Variants in GRAMD4 observed in about 807,000 individuals in gnomAD.
The protein encoded by GRAMD4 is GRAM domain-containing protein 4.
Under a neutral mutation model 83.9 loss-of-function variants are expected in GRAMD4, and 25 were observed. That is an observed-to-expected ratio of 0.30 (90% CI 0.22 to 0.42). GRAMD4 has a LOEUF of 0.42. GRAMD4 is among the 10% of genes least tolerant of loss of function. GRAMD4 has a pLI of 1.00. For synonymous variants in GRAMD4, 336 were observed against 320.9 expected, an observed-to-expected ratio of 1.05 and a Z score of -0.50; for missense variants, 593 against 788.7, an observed-to-expected ratio of 0.75 and a Z score of 2.97.
chr22:46,652,425 A>G (rs2082179817), intron 3 of GRAMD4, among the ~76,000 whole-genome samples: 1 of 152,232 alleles, frequency 6.6e-6, no homozygotes, highest in African/African-American at 2.4e-5. Flanking sequence ...AGGGAGACCC[A>G]GGCTGGACTT....
At chr22:46,589,834 C>T (rs2081188950) in intron 1 of GRAMD4, among the ~76,000 whole-genome samples, 1 of 152,172 alleles carries the variant, frequency 6.6e-6, no homozygotes, top group Non-Finnish European at 1.5e-5. Flanking sequence ...ACCTCAGCCC[C>T]TGCCCTGCTC....
At chr22:46,602,032 ACGTGCTGG>A (rs1194553570) in intron 1 of GRAMD4, among the ~76,000 whole-genome samples, 7 of 152,064 alleles carry the variant, frequency 4.6e-5, no homozygotes. Flanking sequence ...ATGGCCAGGC[ACGTGCTGG>A]CAAGTGACCA....
upstream of GRAMD4, chr22:46,620,319 G>T (rs1276129612): frequency 3.1e-5 from 31 of 985,550 alleles, no homozygotes; most frequent in Non-Finnish European, 3.7e-5. The surrounding 1 kb of genome is among the most constrained non-coding windows in gnomAD (Gnocchi z 4.7). Flanking sequence ...GCCGGGCGCC[G>T]CCCTGAGCCT....
At chr22:46,635,753 CCCCTGG>C (rs1569277998) in intron 2 of GRAMD4, among the ~76,000 whole-genome samples, 19 of 62,660 alleles carry the variant, frequency 3.0e-4, no homozygotes, top group Non-Finnish European at 6.4e-4. Flanking sequence ...CTGCCCCCCG[CCCCTGG>C]CCACTCCTGT....
chr22:46,661,277 C>A, intron 4 of GRAMD4, 104 bp from the exon 5 acceptor site: 1 of 812,610 alleles, frequency 1.2e-6, no homozygotes, highest in Non-Finnish European at 2.1e-6. Context: ...TGTCCCTGAC[C>A]TCTCCTGTGC....
downstream of GRAMD4, among the ~76,000 whole-genome samples, chr22:46,680,577 T>C (rs148544395): frequency 1.4e-3 from 21 of 15,228 alleles, no homozygotes; most frequent in South Asian, 1.9e-3. Context: ...CATCCATCCA[T>C]CCATCCATCC....
intron 1 of GRAMD4, among the ~76,000 whole-genome samples, chr22:46,588,782 T>C (rs1333805946): frequency 6.6e-6 from 1 of 151,890 alleles, no homozygotes; most frequent in African/African-American, 2.4e-5. Flanking sequence ...CATGTGACAC[T>C]GGCGTCGGTC....
intron 3 of GRAMD4, among the ~76,000 whole-genome samples, chr22:46,640,005 A>G (rs1336492688): frequency 1.3e-5 from 2 of 152,108 alleles, no homozygotes; most frequent in Non-Finnish European, 2.9e-5. Flanking sequence ...ATCTCTGAGA[A>G]TGGAGAGGCT....
At chr22:46,663,890 C>T (rs776711393) in intron 7 of GRAMD4, 27 bp downstream of exon 7, 3 of 1,612,144 alleles carry the variant, frequency 1.9e-6, no homozygotes, top group African/African-American at 2.7e-5. Flanking sequence ...CTGCGTGGCG[C>T]CCACGATGCT....
Position 46,679,640 on chromosome 22 carries a change from G to A in GRAMD4, c.*2389G>A. On this transcript the variant is annotated 3_prime_UTR_variant, in exon 19 of 19. Coordinates refer to ENST00000406902, the MANE Select transcript of GRAMD4 (RefSeq NM_015124.5). ...AATAATCATTGCCAGTGTGACTTTT[G>A]TTCAACAAAAGGATTGTACTGTATT... 3 of 983,626 alleles carry A rather than the reference G, an allele frequency of 3.0e-6. No individual in the cohort carries two copies. The highest frequency in any genetic ancestry group is 3.6e-6 in the Non-Finnish European group (3 of 828,172). The allele number at this position is 983,626 out of a possible 1,614,324, so 60.9% of individuals were successfully genotyped here.
rs895734754 is a variant in GRAMD4, at chr22:46,679,321, G to A, written c.*2070G>A. On this transcript the variant is annotated 3_prime_UTR_variant, in exon 19 of 19. Transcript: ENST00000406902. ...GTCCCTTTTGTGGAGAAAGGGAGAT[G>A]AAAACTGACCACGTGCCAGGTGTGG... The A allele has an allele frequency of 6.1e-6, 6 of 985,326 alleles. No homozygotes were observed. In the Admixed American group the frequency reaches 3.1e-4, roughly 50 times the overall value. 61.0% of individuals were successfully genotyped at this position (985,326 alleles called of 1,614,324 possible). A position where few individuals can be genotyped will look rare whatever the true frequency, so the allele number is the denominator to read the frequency against.
chr22:46,668,549 C>T (rs549237448), intron 11 of GRAMD4, 140 bp from the exon 12 acceptor site: 30 of 819,546 alleles, frequency 3.7e-5, no homozygotes, highest in Middle Eastern at 4.8e-4. Context: ...GGGCCTTCCC[C>T]GGCCTAGGAG....
chr22:46,681,541 C>T (rs985366364), downstream of GRAMD4, among the ~76,000 whole-genome samples: 1 of 152,180 alleles, frequency 6.6e-6, no homozygotes, highest in African/African-American at 2.4e-5. Context: ...AAGGAAAGGT[C>T]ACAAACCTGT....
chr22:46,579,710 CTGTT>C (rs1476221737), intron 1 of GRAMD4, among the ~76,000 whole-genome samples: 5 of 152,168 alleles, frequency 3.3e-5, no homozygotes, highest in South Asian at 2.1e-4. Flanking sequence ...CCATGTTTCT[CTGTT>C]TGGGTATTTC....
In GRAMD4 at chr22:46,577,449, C is replaced by T. The variant is rs1242622322; in HGVS notation, c.-50+159C>T. On this transcript the variant is annotated intron_variant, in intron 1 of 1. Transcript: ENST00000431155. Reference sequence around the variant, plus strand: ...GAGCCGGCGACCCTCCGAGCAGGGCCCTGCGCGGGCGCGCCCCGCACACGC... The same window carrying T: ...GAGCCGGCGACCCTCCGAGCAGGGCTCTGCGCGGGCGCGCCCCGCACACGC... Among the ~76,000 whole-genome samples, 12 of 147,890 alleles carry T rather than the reference C, an allele frequency of 8.1e-5. No individual in the cohort carries two copies. The South Asian group carries it at 2.1e-3, about 26-fold the overall frequency.
chr22:46,624,784 C>A (rs1425923597), intron 1 of GRAMD4, among the ~76,000 whole-genome samples: 2 of 152,212 alleles, frequency 1.3e-5, no homozygotes, highest in African/African-American at 4.8e-5. Context: ...CCACATCCCC[C>A]TCCTGGGGTC....
chr22:46,627,199 C>T (rs1045617408), intron 2 of GRAMD4, among the ~76,000 whole-genome samples: 1 of 152,240 alleles, frequency 6.6e-6, no homozygotes, highest in Non-Finnish European at 1.5e-5. Flanking sequence ...GTTTTCCTCA[C>T]TGGCTTTTCT....
intron 3 of GRAMD4, among the ~76,000 whole-genome samples, chr22:46,657,599 C>T (rs549786839): frequency 6.6e-6 from 1 of 152,340 alleles, no homozygotes; most frequent in East Asian, 1.9e-4. Flanking sequence ...TCTGTGGCCT[C>T]GCTGTGTTCC....
intron 2 of GRAMD4, among the ~76,000 whole-genome samples, chr22:46,630,628 C>G (rs2081755951): frequency 6.6e-6 from 1 of 152,216 alleles, no homozygotes; most frequent in Non-Finnish European, 1.5e-5. Context: ...TCCAGGAGCT[C>G]TTCCGTGGCG....
Sources: allele counts gnomAD v4.1 joint callset (sites outside exome capture counted in the v4.1 genomes callset), GRCh38; gene constraint gnomAD v4.1.1; non-coding constraint Gnocchi (gnomAD v3.1); transcripts MANE v1.5; gene names NCBI Gene and HGNC (gene_info 2026-07-23, HGNC 2026-07-21).